The following CA5A variants were observed in gnomAD, a reference collection of about 807,000 sequenced individuals.
The protein encoded by CA5A is carbonic anhydrase 5A, mitochondrial.
CA5A carries 28 observed loss-of-function variants against 37.1 expected under a neutral mutation model. That is an observed-to-expected ratio of 0.75 (90% CI 0.56 to 1.03). CA5A has a LOEUF of 1.03. CA5A is among the 50% of genes least tolerant of loss of function. The probability of loss-of-function intolerance (pLI) is 0.00; values close to 1 mark genes in which losing one functional copy is unlikely to be tolerated. For synonymous variants in CA5A, 171 were observed against 158.4 expected (o/e 1.08, Z -0.60); for missense variants, 444 against 399.9 (o/e 1.11, Z -0.94).
At chr16:87,933,671 C>T (rs983190750) in intron 1 of CA5A, among the ~76,000 whole-genome samples, 7 of 152,140 alleles carry the variant, frequency 4.6e-5, no homozygotes, top group African/African-American at 1.7e-4. Flanking sequence ...CAGGTGTGAG[C>T]CCCCATGCCT....
At chr16:87,910,573 T>A (rs2143993614) in intron 2 of CA5A, among the ~76,000 whole-genome samples, 1 of 152,148 alleles carries the variant, frequency 6.6e-6, no homozygotes, top group Admixed American at 6.6e-5. Flanking sequence ...GATAAAATAA[T>A]CTCAAAGTGA....
chr16:87,926,475 C>A (rs768344087), intron 2 of CA5A, among the ~76,000 whole-genome samples: 1 of 152,358 alleles, frequency 6.6e-6, no homozygotes, highest in East Asian at 1.9e-4. Flanking sequence ...GCGAGCCCCA[C>A]GGGAAGGGGA....
chr16:87,935,279 G>C (rs190508544), intron 1 of CA5A, among the ~76,000 whole-genome samples: 1 of 152,342 alleles, frequency 6.6e-6, no homozygotes, highest in East Asian at 1.9e-4. Context: ...GAAAGAGGAA[G>C]GGCCTCGTTC....
At chr16:87,916,081 T>TGGCGTG (rs1290735235) in intron 2 of CA5A, among the ~76,000 whole-genome samples, 1 of 147,946 alleles carries the variant, frequency 6.8e-6, no homozygotes, top group Non-Finnish European at 1.5e-5. Context: ...GGCAGGAGAA[T>TGGCGTG]GGCGTGAACC....
At chr16:87,927,324 A>G (rs1360624096) in intron 1 of CA5A, among the ~76,000 whole-genome samples, 1 of 152,118 alleles carries the variant, frequency 6.6e-6, no homozygotes, top group Non-Finnish European at 1.5e-5. Context: ...GGCTGAGTGC[A>G]GTGGGGCTCT....
At chr16:87,916,057 A>T (rs918281624) in intron 2 of CA5A, among the ~76,000 whole-genome samples, 2 of 151,724 alleles carry the variant, frequency 1.3e-5, no homozygotes, top group Admixed American at 6.6e-5. Flanking sequence ...AAAAGGGGTT[A>T]CTCGGGAGCC....
intron 6 of CA5A, among the ~76,000 whole-genome samples, chr16:87,891,146 A>C (rs1011307071): frequency 1.4e-5 from 2 of 145,804 alleles, no homozygotes; most frequent in South Asian, 2.1e-4. Flanking sequence ...AATTTTCGAA[A>C]AAAAAAAAAG....
At chr16:87,889,355 A>C (rs2143893367) in intron 6 of CA5A, among the ~76,000 whole-genome samples, 1 of 152,248 alleles carries the variant, frequency 6.6e-6, no homozygotes, top group South Asian at 2.1e-4. Context: ...CACCCGGCTC[A>C]AATGATTGTT....
chr16:87,928,837 C>T (rs1383192096), intron 1 of CA5A, among the ~76,000 whole-genome samples: 2 of 137,434 alleles, frequency 1.5e-5, no homozygotes, highest in East Asian at 2.2e-4. Flanking sequence ...GGTGCCATCT[C>T]GGCTCACTGC....
intron 6 of CA5A, among the ~76,000 whole-genome samples, chr16:87,890,272 G>A (rs1242094018): frequency 1.3e-5 from 2 of 152,034 alleles, no homozygotes; most frequent in African/African-American, 2.4e-5. Flanking sequence ...ACCCTCTCTT[G>A]GTGGCACAGA....
chr16:87,928,775 T>G (rs903398585), intron 1 of CA5A, among the ~76,000 whole-genome samples: 2 of 135,892 alleles, frequency 1.5e-5, no homozygotes, highest in Admixed American at 7.3e-5. Context: ...TTTTTTTTTT[T>G]TTTTTTTTTT....
At chr16:87,929,708 T>TA (rs1287264255) in intron 1 of CA5A, among the ~76,000 whole-genome samples, 5 of 150,082 alleles carry the variant, frequency 3.3e-5, no homozygotes, top group African/African-American at 1.2e-4. Flanking sequence ...CGGTCTCTAC[T>TA]AAAAATACAA....
chr16:87,888,539 T>A (rs1052226912), intron 6 of CA5A, among the ~76,000 whole-genome samples: 1 of 152,086 alleles, frequency 6.6e-6, no homozygotes, highest in Non-Finnish European at 1.5e-5. Context: ...GAGAGGCCCA[T>A]AGGGAGAGGA....
Position 87,935,637 on chromosome 16 carries a change from A to C in CA5A, c.142+672T>G, listed in dbSNP as rs563128736. ...ACGCCTGTAATCCTAGCACTTTGGG[A>C]GGCCAAGGTGGGTGGATCACCTGAG... On this transcript the variant is annotated intron_variant, in intron 1 of 6. Transcript: ENST00000649794. Among the ~76,000 whole-genome samples, 4 of 152,282 alleles carry C rather than the reference A, an allele frequency of 2.6e-5. No homozygotes were observed. In the East Asian group the frequency reaches 7.7e-4, roughly 29 times the overall value.
At chr16:87,885,924 C>T (rs1463166053), downstream of CA5A, 1 of 152,182 alleles carries the variant, frequency 6.6e-6, no homozygotes, top group Non-Finnish European at 1.5e-5. Flanking sequence ...GAGGCAAAGG[C>T]TCTTCAGACC....
intron 5 of CA5A, chr16:87,893,069 C>T: frequency 9.9e-7 from 1 of 1,006,748 alleles, no homozygotes; most frequent in Non-Finnish European, 1.5e-6. Flanking sequence ...TGCAGTCTCT[C>T]AAGCCCCGAG....
At chr16:87,888,414 G>C in intron 6 of CA5A, 142 bp from the exon 7 acceptor site, 1 of 738,522 alleles carries the variant, frequency 1.4e-6, no homozygotes, top group Admixed American at 2.9e-5. Flanking sequence ...GGAAGTGATG[G>C]TGTGTGCAGG....
At chr16:87,883,226 T>A (rs2055623055), downstream of CA5A, 1 of 152,214 alleles carries the variant, frequency 6.6e-6, no homozygotes, top group Non-Finnish European at 1.5e-5. Flanking sequence ...GGTTTCACAA[T>A]ATTGCCCAGG....
At chr16:87,899,430 G>A (rs2055846085) in intron 5 of CA5A, among the ~76,000 whole-genome samples, 2 of 149,250 alleles carry the variant, frequency 1.3e-5, no homozygotes, top group Admixed American at 6.7e-5. Flanking sequence ...AGCCTCCTGA[G>A]TAGCTGGGAT....
Sources: allele counts gnomAD v4.1 joint callset (sites outside exome capture counted in the v4.1 genomes callset), GRCh38; gene constraint gnomAD v4.1.1; transcripts MANE v1.5; gene names NCBI Gene and HGNC (gene_info 2026-07-23, HGNC 2026-07-21).